Variants in PTPRO observed in about 807,000 individuals in gnomAD.
PTPRO encodes the protein receptor-type tyrosine-protein phosphatase O.
A neutral mutation model predicts 145.2 loss-of-function variants in PTPRO; 62 were observed. The observed-to-expected ratio is 0.43, with a 90% CI of 0.35 to 0.53. The LOEUF (loss-of-function observed/expected upper bound fraction) is 0.53. Among genes scored for constraint, PTPRO ranks in the 20% least tolerant of loss-of-function variants. PTPRO has a pLI of 0.01. For synonymous variants in PTPRO, 565 were observed against 514.7 expected (o/e 1.10, Z -1.32); for missense variants, 1,345 against 1,482.7 (o/e 0.91, Z 1.53).
chr12:15,575,312 T>A (rs1944157389), intron 19 of PTPRO, among the ~76,000 whole-genome samples: 1 of 152,202 alleles, frequency 6.6e-6, no homozygotes, highest in South Asian at 2.1e-4. Flanking sequence ...GAGGCCAGGT[T>A]CCTTCCCCAC....
chr12:15,355,461 T>A (rs1937955956), intron 1 of PTPRO, among the ~76,000 whole-genome samples: 1 of 152,202 alleles, frequency 6.6e-6, no homozygotes, highest in Non-Finnish European at 1.5e-5. Context: ...TAGTTCCCAC[T>A]ATGAAGAAAA....
At position 15,580,811 on chromosome 12, in the gene PTPRO, C is replaced by A. The variant is rs1944294722; in HGVS notation, c.3112C>A (p.Gln1038Lys). 1 of 1,613,928 alleles carries A rather than the reference C, an allele frequency of 6.2e-7. No homozygotes were observed. Among genetic ancestry groups the A allele is most frequent in the East Asian group, 2.2e-5 (1 of 44,864 alleles). The change falls in exon 22 of 27, where the codon CAG (glutamine) becomes AAG (lysine). Residue 1038 changes from glutamine (Q) to lysine (K), a missense_variant. This residue lies in a region of PTPRO where 208 missense variants were observed against 242.8 expected (regional missense o/e 0.86). Transcript: ENST00000281171. ...GTCTCAGATTATTGTCATGCTCACT[C>A]AGTGTAATGAGAAAAGGAGGGTACG... Reference protein sequence around the residue: ...QKSQIIVMLTQCNEKRRVKCD... With the variant: ...QKSQIIVMLTKCNEKRRVKCD...
chr12:15,527,840 T>C (rs989839299), intron 12 of PTPRO, among the ~76,000 whole-genome samples: 1 of 151,888 alleles, frequency 6.6e-6, no homozygotes, highest in Non-Finnish European at 1.5e-5. Flanking sequence ...CATAGTTCTA[T>C]GCCCATAAGA....
At chr12:15,555,292 G>C (rs1943591297) in intron 15 of PTPRO, among the ~76,000 whole-genome samples, 1 of 152,128 alleles carries the variant, frequency 6.6e-6, no homozygotes, top group Non-Finnish European at 1.5e-5. Flanking sequence ...TAGAGCTTTA[G>C]ACTGGATGAA....
intron 1 of PTPRO, among the ~76,000 whole-genome samples, chr12:15,450,363 T>G (rs560863869): frequency 1.3e-5 from 2 of 152,340 alleles, no homozygotes; most frequent in Non-Finnish European, 2.9e-5. Flanking sequence ...TCTCCACTTT[T>G]GGTTTCTAGC....
At chr12:15,370,743 T>C (rs1018275490) in intron 1 of PTPRO, among the ~76,000 whole-genome samples, 1 of 152,174 alleles carries the variant, frequency 6.6e-6, no homozygotes, top group Non-Finnish European at 1.5e-5. Context: ...AATATGCATA[T>C]ATTTAATCTA....
chr12:15,577,815 A>G (rs1178084438), intron 19 of PTPRO, among the ~76,000 whole-genome samples: 1 of 152,088 alleles, frequency 6.6e-6, no homozygotes, highest in African/African-American at 2.4e-5. Context: ...ACTCCAGTGA[A>G]CACCGTTCAT....
Position 15,515,568 on chromosome 12 carries a change from G to C in PTPRO, c.1535G>C (p.Arg512Thr). The C allele has an allele frequency of 6.2e-7, 1 of 1,613,970 alleles. No individual in the cohort carries two copies. The highest frequency in any genetic ancestry group is 1.7e-4 in the Middle Eastern group (1 of 6,058). ...CAGTACCAGGTTGTAATATACCTAA[G>C]GAAAGGCCCTTTGATTGGACCACCT... is the stretch of plus-strand genomic sequence containing the variant. Reference protein sequence around the residue: ...GAQYQVVIYLRKGPLIGPPSD... With the variant: ...GAQYQVVIYLTKGPLIGPPSD... The change falls in exon 8 of 27, where the codon AGG (arginine) becomes ACG (threonine). Residue 512 changes from arginine to threonine, a missense_variant. Physicochemically the swap from Arg to Thr is moderately conservative, Grantham distance 71. Around this residue, in one of 3 missense-constraint regions of PTPRO, gnomAD observed 1,130 missense variants for 1,214.7 expected, o/e 0.93. Coordinates refer to ENST00000281171, the MANE Select transcript of PTPRO (RefSeq NM_030667.3).
chr12:15,487,229 A>T lies in PTPRO; in HGVS notation c.349+2982A>T, dbSNP rs189559274. 4.1e-3 allele frequency among the ~76,000 whole-genome samples: 619 copies of T among 151,734 alleles called. 5 individuals are homozygous for T. The highest frequency in any genetic ancestry group is 0.014 in the African/African-American group (585 of 41,306). Reference sequence around the variant, plus strand: ...TAGATGGGACATTCTTGACATTTTTACCCCTCAAACTACACCGACACTGAA... The same window carrying T: ...TAGATGGGACATTCTTGACATTTTTTCCCCTCAAACTACACCGACACTGAA... On this transcript the variant is annotated intron_variant, in intron 2 of 26. Coordinates refer to ENST00000281171, the MANE Select transcript of PTPRO (RefSeq NM_030667.3).
At chr12:15,397,993 A>G (rs1939389376) in intron 1 of PTPRO, among the ~76,000 whole-genome samples, 1 of 152,184 alleles carries the variant, frequency 6.6e-6, no homozygotes, top group African/African-American at 2.4e-5. Context: ...TCAAAGGAAT[A>G]AACCCCAAGT....
At chr12:15,381,394 T>C (rs775196639) in intron 1 of PTPRO, among the ~76,000 whole-genome samples, 1 of 152,206 alleles carries the variant, frequency 6.6e-6, no homozygotes, top group Non-Finnish European at 1.5e-5. Context: ...ACCAGAAGCG[T>C]ATCTCCATGG....
chr12:15,488,740 G>A (rs74070739), intron 2 of PTPRO, among the ~76,000 whole-genome samples: 1,687 of 152,250 alleles, frequency 0.011, 29 homozygotes, highest in African/African-American at 0.038. Flanking sequence ...GAAAAACATG[G>A]CAAAGAATAA....
intron 1 of PTPRO, among the ~76,000 whole-genome samples, chr12:15,330,392 G>A (rs147737987): frequency 2.7e-4 from 41 of 152,230 alleles, no homozygotes; most frequent in African/African-American, 8.7e-4. Flanking sequence ...GAAGAGTAGC[G>A]GTCTCAAGAT....
intron 2 of PTPRO, among the ~76,000 whole-genome samples, chr12:15,493,543 AC>A (rs1942041756): frequency 1.3e-5 from 2 of 152,150 alleles, no homozygotes; most frequent in African/African-American, 4.8e-5. Flanking sequence ...TGACCAAAAA[AC>A]ATAAGAAAAA....
chr12:15,404,188 C>CAA (rs370733389), intron 1 of PTPRO, among the ~76,000 whole-genome samples: 812 of 47,528 alleles, frequency 0.017, 6 homozygotes, highest in Middle Eastern at 0.026. Flanking sequence ...GACCCCATCT[C>CAA]AAAAAAAAAA....
intron 1 of PTPRO, among the ~76,000 whole-genome samples, chr12:15,450,642 G>A (rs995305993): frequency 6.6e-5 from 10 of 152,116 alleles, no homozygotes; most frequent in Admixed American, 2.6e-4. Context: ...GGTGTGTCGT[G>A]TGTGCCAATA....
At chr12:15,570,747 A>C (rs73068604) in intron 19 of PTPRO, among the ~76,000 whole-genome samples, 2,272 of 152,310 alleles carry the variant, frequency 0.015, 20 homozygotes, top group Non-Finnish European at 0.024. Flanking sequence ...GAAAAAATAA[A>C]TAGCTAGATG....
chr12:15,596,984 A>G lies in PTPRO; in HGVS notation c.*911A>G, dbSNP rs934637420. ...TACATGTGAGAGCTATTTCTTTAAG[A>G]ACTATATAGGCTGTGAAAACGCACT... On this transcript the variant is annotated 3_prime_UTR_variant, in exon 27 of 27. Transcript: ENST00000281171. The G allele has an allele frequency of 2.0e-5, 3 of 152,616 alleles. No homozygotes were observed. The highest frequency in any genetic ancestry group is 2.9e-5 in the Non-Finnish European group (2 of 68,046). The allele number at this position is 152,616 out of a possible 1,614,324, so 9.5% of individuals were successfully genotyped here. A position where few individuals can be genotyped will look rare whatever the true frequency, so the allele number is the denominator to read the frequency against.
rs192707080 is a variant in PTPRO at position 15,567,176 on chromosome 12, G to A, written c.2747+1548G>A. ...AGCAAAAAAAAACTCACATCAATTC[G>A]GCTTCCACCTTCCCCCCTCTCATTT... On this transcript the variant is annotated intron_variant, in intron 18 of 26. Transcript: ENST00000281171. Among the ~76,000 whole-genome samples the A allele has an allele frequency of 1.6e-3, 239 of 152,022 alleles. 1 individual carries two copies. Among genetic ancestry groups the A allele is most frequent in the Non-Finnish European group, 1.6e-3 (110 of 67,956 alleles).
Sources: gnomAD v4.1 joint callset for allele counts (sites outside exome capture counted in the v4.1 genomes callset) on GRCh38, gnomAD v4.1.1 for gene constraint, gnomAD v4.1.1 regional missense constraint, MANE v1.5 for transcripts, NCBI Gene and HGNC (gene_info 2026-07-23, HGNC 2026-07-21) for gene names.